Variants in BACH2 observed in about 807,000 individuals in gnomAD.
BACH2 encodes the protein transcription regulator protein BACH2.
Under a neutral mutation model 61.8 loss-of-function variants are expected in BACH2, and 5 were observed. The ratio of observed to expected loss-of-function variants is 0.08; its 90% CI spans 0.04 to 0.17. The LOEUF is 0.17. Among genes scored for constraint, BACH2 ranks in the 10% least tolerant of loss-of-function variants. The probability of loss-of-function intolerance (pLI) is 1.00; values close to 1 mark genes in which losing one functional copy is unlikely to be tolerated. For missense variants in BACH2, 824 were observed against 1,091.1 expected (o/e 0.76, Z 3.45); for synonymous variants, 446 against 440.1 (o/e 1.01, Z -0.17).
At chr6:90,022,421 T>C (rs1778426461) in intron 5 of BACH2, among the ~76,000 whole-genome samples, 1 of 152,094 alleles carries the variant, frequency 6.6e-6, no homozygotes, top group Admixed American at 6.6e-5. Flanking sequence ...CTGTCTCTAC[T>C]AAAAATACAA....
intron 4 of BACH2, among the ~76,000 whole-genome samples, chr6:90,179,740 A>C (rs1235093170): frequency 6.6e-6 from 1 of 152,256 alleles, no homozygotes; most frequent in Non-Finnish European, 1.5e-5. Flanking sequence ...ATTATGATTA[A>C]TTAAAGCCAT....
chr6:89,962,778 T>C lies in BACH2; in HGVS notation c.244-10916A>G, dbSNP rs967017281. On this transcript the variant is annotated intron_variant, in intron 6 of 8. Coordinates refer to ENST00000257749, the MANE Select transcript of BACH2 (RefSeq NM_021813.4). Reference sequence around the variant, plus strand: ...AATTATAAAACTCTAGAAGAAAACATGGGGGAAAAGCTTCATGTCATTGGA... The same window carrying C: ...AATTATAAAACTCTAGAAGAAAACACGGGGGAAAAGCTTCATGTCATTGGA... 4.6e-5 allele frequency among the ~76,000 whole-genome samples: 7 copies of C among 152,206 alleles called. No individual in the cohort carries two copies. In the Middle Eastern group the frequency reaches 0.01, roughly 222 times the overall value.
At chr6:89,966,546 C>G (rs1775056306) in intron 6 of BACH2, among the ~76,000 whole-genome samples, 1 of 152,236 alleles carries the variant, frequency 6.6e-6, no homozygotes, top group African/African-American at 2.4e-5. Context: ...CCAACACCCA[C>G]GCCCCTGAAT....
chr6:90,146,641 G>A (rs886642486), intron 4 of BACH2, among the ~76,000 whole-genome samples: 5 of 152,106 alleles, frequency 3.3e-5, no homozygotes, highest in Non-Finnish European at 5.9e-5. Context: ...ATAGAAAATT[G>A]AAAAATTAGT....
At chr6:89,934,026 A>T (rs1167660337) in intron 8 of BACH2, among the ~76,000 whole-genome samples, 1 of 152,056 alleles carries the variant, frequency 6.6e-6, no homozygotes, top group Non-Finnish European at 1.5e-5. Context: ...GACAAAAAAA[A>T]AGTCATCAAC....
intron 1 of BACH2, among the ~76,000 whole-genome samples, chr6:90,278,214 A>T (rs1771753787): frequency 6.6e-6 from 1 of 152,196 alleles, no homozygotes; most frequent in African/African-American, 2.4e-5. Flanking sequence ...AGTTCAATCC[A>T]TCTCTTCTTC....
At chr6:90,230,594 G>A (rs1770063047) in intron 3 of BACH2, among the ~76,000 whole-genome samples, 1 of 152,140 alleles carries the variant, frequency 6.6e-6, no homozygotes, top group Non-Finnish European at 1.5e-5. Context: ...AAAAGGTATG[G>A]GGATAAGAAT....
intron 6 of BACH2, among the ~76,000 whole-genome samples, chr6:89,986,314 G>A (rs778568233): frequency 3.9e-4 from 59 of 151,310 alleles, no homozygotes; most frequent in Admixed American, 1.4e-3. Context: ...GCCCTGGATC[G>A]CTGGCCTTGC....
chr6:89,967,081 C>A (rs1332820561), intron 6 of BACH2, among the ~76,000 whole-genome samples: 2 of 152,088 alleles, frequency 1.3e-5, no homozygotes, highest in Non-Finnish European at 2.9e-5. Flanking sequence ...TTGGTTGTGT[C>A]CAGTTTCTGT....
At chr6:90,177,900 C>T (rs539095545) in intron 4 of BACH2, among the ~76,000 whole-genome samples, 3 of 152,140 alleles carry the variant, frequency 2.0e-5, no homozygotes, top group Non-Finnish European at 4.4e-5. Flanking sequence ...TGAAACATCT[C>T]TTCCTTCACT....
intron 4 of BACH2, among the ~76,000 whole-genome samples, chr6:90,201,746 A>AT (rs774309597): frequency 1.6e-4 from 24 of 152,150 alleles, no homozygotes; most frequent in Admixed American, 1.3e-3. Context: ...AGATCATTTA[A>AT]TTTTTAGTTG....
intron 2 of BACH2, among the ~76,000 whole-genome samples, chr6:90,259,171 G>T (rs1582541706): frequency 6.6e-6 from 1 of 152,132 alleles, no homozygotes; most frequent in East Asian, 1.9e-4. Context: ...AAAACTTTCA[G>T]TTTTCCCCCA....
intron 6 of BACH2, among the ~76,000 whole-genome samples, chr6:89,989,175 T>C (rs1381284137): frequency 2.0e-5 from 3 of 152,216 alleles, no homozygotes; most frequent in Admixed American, 6.5e-5. Context: ...TTCACAAATA[T>C]TTCATGTGAC....
At chr6:90,040,554 T>G (rs892417875) in intron 5 of BACH2, among the ~76,000 whole-genome samples, 1 of 152,064 alleles carries the variant, frequency 6.6e-6, no homozygotes, top group Non-Finnish European at 1.5e-5. Flanking sequence ...CAGCATCAGC[T>G]TGTTTGGTTA....
chr6:90,202,126 T>G (rs992633070), intron 4 of BACH2, among the ~76,000 whole-genome samples: 3 of 152,218 alleles, frequency 2.0e-5, no homozygotes, highest in Non-Finnish European at 2.9e-5. Flanking sequence ...CATAATGTAT[T>G]TCTTGCAAGC....
chr6:90,209,339 G>T (rs1769264216), intron 3 of BACH2, among the ~76,000 whole-genome samples: 1 of 152,036 alleles, frequency 6.6e-6, no homozygotes, highest in Non-Finnish European at 1.5e-5. Context: ...GGGTAATCAT[G>T]GCTTCAAAGT....
intron 4 of BACH2, among the ~76,000 whole-genome samples, chr6:90,155,368 T>C (rs1784962271): frequency 6.6e-6 from 1 of 152,184 alleles, no homozygotes. Context: ...CAGCGATATG[T>C]TCCATTCGAA....
intron 3 of BACH2, among the ~76,000 whole-genome samples, chr6:90,224,031 T>C (rs1769829558): frequency 6.6e-6 from 1 of 152,180 alleles, no homozygotes; most frequent in African/African-American, 2.4e-5. Flanking sequence ...CAATGGGAAA[T>C]TTTGGCACCT....
At chr6:90,203,148 C>T (rs1290663105) in intron 4 of BACH2, among the ~76,000 whole-genome samples, 3 of 152,016 alleles carry the variant, frequency 2.0e-5, no homozygotes, top group African/African-American at 7.2e-5. Flanking sequence ...AGGTGGTTCA[C>T]ACCTGTAATC....
Sources: gnomAD v4.1 joint callset for allele counts (sites outside exome capture counted in the v4.1 genomes callset) on GRCh38, gnomAD v4.1.1 for gene constraint, MANE v1.5 for transcripts, NCBI Gene and HGNC (gene_info 2026-07-23, HGNC 2026-07-21) for gene names.